Variants in BTRC observed in about 807,000 individuals in gnomAD.
BTRC encodes F-box/WD repeat-containing protein 1A.
A neutral mutation model predicts 85.5 loss-of-function variants in BTRC; 42 were observed. The ratio of observed to expected loss-of-function variants is 0.49; its 90% CI spans 0.38 to 0.64. BTRC has a LOEUF of 0.64. BTRC is among the 30% of genes least tolerant of loss of function. The probability of loss-of-function intolerance (pLI) is 0.00; values close to 1 mark genes in which losing one functional copy is unlikely to be tolerated. For synonymous variants in BTRC, 255 were observed against 263.3 expected (o/e 0.97, Z 0.30); for missense variants, 594 against 743.5 (o/e 0.80, Z 2.34).
At chr10:101,354,124 G>A, upstream of BTRC, 2 of 1,542,616 alleles carry the variant, frequency 1.3e-6, no homozygotes, top group East Asian at 4.9e-5. Flanking sequence ...CGTTGGCTGC[G>A]GCCTGGCACC....
intron 13 of BTRC, among the ~76,000 whole-genome samples, chr10:101,541,360 C>T (rs965750958): frequency 1.7e-4 from 26 of 152,054 alleles, no homozygotes; most frequent in African/African-American, 6.3e-4. Context: ...CCTGGGTTCA[C>T]GCCATTCTCC....
chr10:101,389,874 C>T (rs1589412899), intron 1 of BTRC, among the ~76,000 whole-genome samples: 2 of 152,126 alleles, frequency 1.3e-5, no homozygotes, highest in African/African-American at 4.8e-5. Context: ...ATCTGTCTAC[C>T]TCAGCCTTCC....
intron 1 of BTRC, among the ~76,000 whole-genome samples, chr10:101,377,457 A>G (rs778519752): frequency 3.3e-5 from 5 of 152,152 alleles, no homozygotes; most frequent in East Asian, 3.8e-4. Flanking sequence ...AGAAATTGCT[A>G]TTTTCCAGAG....
At chr10:101,405,572 G>A (rs1033827620) in intron 1 of BTRC, among the ~76,000 whole-genome samples, 4 of 152,286 alleles carry the variant, frequency 2.6e-5, no homozygotes, top group Middle Eastern at 6.8e-3. Flanking sequence ...GTGGATACTG[G>A]AGGAATAATA....
rs201503713 is a variant in BTRC, at chr10:101,505,627, T to TA, written c.325-15999dup. Among the ~76,000 whole-genome samples the TA allele has an allele frequency of 4.0e-4, 46 of 115,378 alleles. No homozygotes were observed. The South Asian group carries it at 4.4e-3, about 11-fold the overall frequency. 75.7% of individuals were successfully genotyped at this position (115,378 alleles called of 152,430 possible). A position where few individuals can be genotyped will look rare whatever the true frequency, so the allele number is the denominator to read the frequency against. On this transcript the variant is annotated intron_variant, in intron 4 of 14. Coordinates refer to ENST00000370187, the MANE Select transcript of BTRC (RefSeq NM_033637.4). ...AGAGCGAGACTCCGTCTCAAAAAAA[T>TA]AAAAAAAAAAAAATAATAATAAAAA...
chr10:101,493,958 A>G (rs1312904987), intron 4 of BTRC, among the ~76,000 whole-genome samples: 4 of 152,162 alleles, frequency 2.6e-5, no homozygotes, highest in African/African-American at 9.6e-5. Flanking sequence ...CTTTTCTGTC[A>G]TGTTAATTTA....
chr10:101,369,050 G>A (rs933936596), intron 1 of BTRC, among the ~76,000 whole-genome samples: 3 of 151,962 alleles, frequency 2.0e-5, no homozygotes, highest in Admixed American at 6.6e-5. Flanking sequence ...CGTCTTTTTC[G>A]TTGTTGCCAC....
chr10:101,532,484 A>G, intron 8 of BTRC, 52 bp downstream of exon 8: 1 of 1,538,732 alleles, frequency 6.5e-7, no homozygotes, highest in South Asian at 1.3e-5. Context: ...GAGTGACCAC[A>G]TTCATAGCGC....
At chr10:101,550,325 C>T (rs182910649) in intron 13 of BTRC, among the ~76,000 whole-genome samples, 1 of 151,722 alleles carries the variant, frequency 6.6e-6, no homozygotes, top group Non-Finnish European at 1.5e-5. Context: ...CACTCTGTTG[C>T]CCAGGCTGGA....
chr10:101,461,354 C>T (rs1481043021), intron 2 of BTRC, among the ~76,000 whole-genome samples: 2 of 152,020 alleles, frequency 1.3e-5, no homozygotes, highest in African/African-American at 4.8e-5. Context: ...TACTTATGAA[C>T]TCATTTTCAG....
At chr10:101,366,849 T>G (rs1311498859) in intron 1 of BTRC, among the ~76,000 whole-genome samples, 5 of 31,852 alleles carry the variant, frequency 1.6e-4, no homozygotes, top group Admixed American at 1.2e-3. Context: ...TTTATGTATA[T>G]TAATATATAT....
chr10:101,519,074 C>CTT lies in BTRC; in HGVS notation c.325-2545_325-2544dup, dbSNP rs35213665. ...CTCAGAGGGAAAATCCTCTTCTCAGCTTTTTTTTTTTTTTTTTTTTTGAGA... is the reference window on the plus strand; with the variant it reads ...CTCAGAGGGAAAATCCTCTTCTCAGCTTTTTTTTTTTTTTTTTTTTTTTGAGA... On this transcript the variant is annotated intron_variant, in intron 4 of 14. Transcript: ENST00000370187. Among the ~76,000 whole-genome samples the CTT allele has an allele frequency of 8.3e-3, 872 of 104,906 alleles. 30 individuals are homozygous for CTT. Among genetic ancestry groups the CTT allele is most frequent in the Non-Finnish European group, 0.012 (614 of 52,200 alleles). 68.8% of individuals were successfully genotyped at this position (104,906 alleles called of 152,430 possible). A position where few individuals can be genotyped will look rare whatever the true frequency, so the allele number is the denominator to read the frequency against.
chr10:101,394,104 C>A (rs1050633843), intron 1 of BTRC, among the ~76,000 whole-genome samples: 39 of 152,122 alleles, frequency 2.6e-4, no homozygotes, highest in African/African-American at 8.9e-4. Context: ...CATCTCAATT[C>A]TATTTAGAAG....
At chr10:101,383,612 G>T (rs901351497) in intron 1 of BTRC, among the ~76,000 whole-genome samples, 1 of 152,046 alleles carries the variant, frequency 6.6e-6, no homozygotes, top group South Asian at 2.1e-4. Flanking sequence ...GAACCCTCTC[G>T]CCTCAGCCTT....
intron 3 of BTRC, among the ~76,000 whole-genome samples, chr10:101,469,949 A>G (rs1945477275): frequency 6.6e-6 from 1 of 152,224 alleles, no homozygotes; most frequent in Non-Finnish European, 1.5e-5. Flanking sequence ...TGAGTTGAAT[A>G]AATATATCGC....
chr10:101,423,073 T>A (rs930473727), intron 1 of BTRC, among the ~76,000 whole-genome samples: 24 of 152,176 alleles, frequency 1.6e-4, no homozygotes, highest in African/African-American at 5.3e-4. Flanking sequence ...AAATTTTTTT[T>A]ATTTTCCAGT....
chr10:101,482,675 G>A (rs1016838477), intron 4 of BTRC, among the ~76,000 whole-genome samples: 1 of 152,256 alleles, frequency 6.6e-6, no homozygotes, highest in South Asian at 2.1e-4. Context: ...GATTACAGTC[G>A]TGAGCTGCCG....
At chr10:101,514,867 A>G (rs891539913) in intron 4 of BTRC, among the ~76,000 whole-genome samples, 3 of 152,214 alleles carry the variant, frequency 2.0e-5, no homozygotes, top group Admixed American at 6.5e-5. Context: ...AAGCCACACT[A>G]TCTTGATTAC....
At chr10:101,363,620 G>A (rs374251404) in intron 1 of BTRC, among the ~76,000 whole-genome samples, 6 of 152,076 alleles carry the variant, frequency 3.9e-5, no homozygotes, top group East Asian at 1.9e-4. Flanking sequence ...CACCACGCCC[G>A]GCTAAGTTTT....
Sources: gnomAD v4.1 joint callset for allele counts (sites outside exome capture counted in the v4.1 genomes callset) on GRCh38, gnomAD v4.1.1 for gene constraint, MANE v1.5 for transcripts, NCBI Gene and HGNC (gene_info 2026-07-23, HGNC 2026-07-21) for gene names.